UBE2E2: variants seen among roughly 807,000 people sequenced by gnomAD.
UBE2E2 encodes ubiquitin-conjugating enzyme E2 E2.
A neutral mutation model predicts 24.7 loss-of-function variants in UBE2E2; 6 were observed. The observed-to-expected ratio is 0.24, with a 90% CI of 0.13 to 0.48. UBE2E2 has a LOEUF of 0.48. Ranked by LOEUF, UBE2E2 falls within the 20% of genes least tolerant of loss-of-function variation. The pLI is 0.99. For missense variants in UBE2E2, 169 were observed against 245.0 expected (o/e 0.69, Z 2.07); for synonymous variants, 104 against 83.6 (o/e 1.24, Z -1.33).
intron 4 of UBE2E2, among the ~76,000 whole-genome samples, chr3:23,510,000 G>A (rs917771492): frequency 1.3e-5 from 2 of 151,976 alleles, no homozygotes; most frequent in African/African-American, 2.4e-5. Flanking sequence ...GGGTTGGTTC[G>A]TAGTCTTTGC....
intron 3 of UBE2E2, among the ~76,000 whole-genome samples, chr3:23,328,232 A>G (rs1044045372): frequency 6.6e-6 from 1 of 152,222 alleles, no homozygotes; most frequent in African/African-American, 2.4e-5. Context: ...ATTACATTAG[A>G]TAATCTCTAA....
intron 5 of UBE2E2, among the ~76,000 whole-genome samples, chr3:23,573,177 C>G (rs1428166615): frequency 6.6e-6 from 1 of 152,010 alleles, no homozygotes; most frequent in Admixed American, 6.6e-5. Flanking sequence ...ATAACAAGTA[C>G]AGAATCAGGT....
chr3:23,530,482 C>T (rs778118344), intron 4 of UBE2E2, among the ~76,000 whole-genome samples: 3 of 152,102 alleles, frequency 2.0e-5, no homozygotes, highest in Non-Finnish European at 2.9e-5. Flanking sequence ...TTATCAGTAA[C>T]GTTCTTTGTT....
chr3:23,335,353 T>A (rs1443009011), intron 3 of UBE2E2, among the ~76,000 whole-genome samples: 1 of 152,150 alleles, frequency 6.6e-6, no homozygotes, highest in Non-Finnish European at 1.5e-5. Context: ...TTCTATAGAT[T>A]TAAATAAAGA....
chr3:23,220,596 C>T, intron 3 of UBE2E2, among the ~76,000 whole-genome samples: 1 of 152,162 alleles, frequency 6.6e-6, no homozygotes, highest in Non-Finnish European at 1.5e-5. Flanking sequence ...ATAACTGACC[C>T]ATGACATTTG....
intron 3 of UBE2E2, among the ~76,000 whole-genome samples, chr3:23,373,237 C>T (rs1362574580): frequency 6.6e-6 from 1 of 152,072 alleles, no homozygotes; most frequent in Non-Finnish European, 1.5e-5. Context: ...AAGTAAAACA[C>T]CAGGTTGGTG....
At chr3:23,514,340 A>G (rs994174622) in intron 4 of UBE2E2, among the ~76,000 whole-genome samples, 1 of 152,230 alleles carries the variant, frequency 6.6e-6, no homozygotes, top group Non-Finnish European at 1.5e-5. Context: ...TGTGCCTTAC[A>G]GTACCTGGCA....
At chr3:23,221,506 T>A (rs1053027586) in intron 3 of UBE2E2, among the ~76,000 whole-genome samples, 1 of 152,210 alleles carries the variant, frequency 6.6e-6, no homozygotes, top group African/African-American at 2.4e-5. Flanking sequence ...TACTTTCTGT[T>A]TCTATAGATT....
At chr3:23,560,817 G>A (rs1205128462) in intron 5 of UBE2E2, among the ~76,000 whole-genome samples, 4 of 152,176 alleles carry the variant, frequency 2.6e-5, no homozygotes, top group African/African-American at 4.8e-5. Context: ...CTGATGGCCA[G>A]TGATGATGAG....
chr3:23,273,939 A>C (rs1698316745), intron 3 of UBE2E2: 1 of 152,264 alleles, frequency 6.6e-6, no homozygotes, highest in Non-Finnish European at 1.5e-5. Context: ...ATATGTAATA[A>C]AGTGTGATCC....
chr3:23,300,554 G>A (rs1241470421), intron 3 of UBE2E2, among the ~76,000 whole-genome samples: 1 of 152,144 alleles, frequency 6.6e-6, no homozygotes, highest in African/African-American at 2.4e-5. Context: ...GCTTAGTTTG[G>A]CTGGATATGA....
chr3:23,567,888 G>A (rs1317826315), intron 5 of UBE2E2, among the ~76,000 whole-genome samples: 1 of 152,214 alleles, frequency 6.6e-6, no homozygotes, highest in Non-Finnish European at 1.5e-5. Context: ...AAGGAGAGGG[G>A]GAAGTTGGCA....
At chr3:23,243,556 G>A (rs1050690220) in intron 3 of UBE2E2, among the ~76,000 whole-genome samples, 2 of 152,024 alleles carry the variant, frequency 1.3e-5, no homozygotes, top group African/African-American at 4.8e-5. Flanking sequence ...TAGATTAATG[G>A]CTTTAAGAAA....
At chr3:23,312,757 C>T (rs1309820365) in intron 3 of UBE2E2, among the ~76,000 whole-genome samples, 1 of 152,070 alleles carries the variant, frequency 6.6e-6, no homozygotes, top group Admixed American at 6.6e-5. Flanking sequence ...AAGTACTGCT[C>T]TTTCTGTATC....
chr3:23,537,408 G>A (rs1057053932), intron 5 of UBE2E2, among the ~76,000 whole-genome samples: 2 of 152,088 alleles, frequency 1.3e-5, no homozygotes, highest in Admixed American at 6.5e-5. Flanking sequence ...ATCAAGTATC[G>A]GTTACTCCAG....
chr3:23,307,391 T>C (rs1575549699), intron 3 of UBE2E2, among the ~76,000 whole-genome samples: 2 of 152,210 alleles, frequency 1.3e-5, no homozygotes, highest in South Asian at 4.1e-4. Flanking sequence ...TTATTGCTTA[T>C]TTATATACTG....
At chr3:23,352,935 G>T (rs985425318) in intron 3 of UBE2E2, among the ~76,000 whole-genome samples, 1 of 151,992 alleles carries the variant, frequency 6.6e-6, no homozygotes, top group African/African-American at 2.4e-5. Flanking sequence ...CAACCAAAAA[G>T]GAGAATTTTA....
intron 3 of UBE2E2, among the ~76,000 whole-genome samples, chr3:23,382,627 C>T (rs1696703702): frequency 6.6e-6 from 1 of 152,158 alleles, no homozygotes; most frequent in South Asian, 2.1e-4. Context: ...TATTATTTTA[C>T]ATTTTCTATT....
At position 23,589,547 on chromosome 3, in the gene UBE2E2, C is replaced by G. The variant is rs1331973118; in HGVS notation, c.509-187C>G. On this transcript the variant is annotated intron_variant, in intron 5 of 5. Coordinates refer to ENST00000396703, the MANE Select transcript of UBE2E2 (RefSeq NM_152653.4). The surrounding 1 kb of genome is among the most constrained non-coding windows in gnomAD (Gnocchi z 4.1). ...CTATCAGTAAAATACAGATAGGTGA[C>G]TCTTGGGGCAGCTGGTGTGAAATGT... 6.6e-6 allele frequency among the ~76,000 whole-genome samples: 1 copy of G among 152,108 alleles called. No homozygotes were observed. Among genetic ancestry groups the G allele is most frequent in the Non-Finnish European group, 1.5e-5 (1 of 68,004 alleles).
Sources: gnomAD v4.1 joint callset for allele counts (sites outside exome capture counted in the v4.1 genomes callset) on GRCh38, gnomAD v4.1.1 for gene constraint, Gnocchi (gnomAD v3.1) non-coding constraint, MANE v1.5 for transcripts, NCBI Gene and HGNC (gene_info 2026-07-23, HGNC 2026-07-21) for gene names.